SPINK5: variants seen among roughly 807,000 people sequenced by gnomAD.
SPINK5 encodes serine peptidase inhibitor Kazal type 5, also known as serine protease inhibitor Kazal-type 5.
In SPINK5, 125 loss-of-function variants were observed where a neutral mutation model predicts 151.8. The observed-to-expected ratio is 0.82, with a 90% CI of 0.71 to 0.96. The LOEUF (loss-of-function observed/expected upper bound fraction) is 0.96. SPINK5 is among the 40% of genes least tolerant of loss of function. The pLI is 0.00. For synonymous variants in SPINK5, 374 were observed against 395.3 expected, an observed-to-expected ratio of 0.95 and a Z score of 0.64; for missense variants, 1,194 against 1,291.9, an observed-to-expected ratio of 0.92 and a Z score of 1.16.
intron 24 of SPINK5, 108 bp downstream of exon 24, chr5:148,119,166 T>C (rs968077558): frequency 2.7e-6 from 3 of 1,114,810 alleles, no homozygotes; most frequent in African/African-American, 3.1e-5. Flanking sequence ...AGCTTGCCCT[T>C]AGAAGGTCAG....
intron 15 of SPINK5, among the ~76,000 whole-genome samples, chr5:148,104,079 T>C (rs1053714176): frequency 2.0e-5 from 3 of 152,222 alleles, no homozygotes; most frequent in African/African-American, 7.2e-5. Context: ...CAATCTCTTA[T>C]AACAATTATA....
intron 30 of SPINK5, among the ~76,000 whole-genome samples, chr5:148,128,480 C>G (rs932111481): frequency 6.6e-6 from 1 of 152,204 alleles, no homozygotes; most frequent in South Asian, 2.1e-4. Flanking sequence ...TCTACAAATA[C>G]TTACTGAGCA....
chr5:148,101,046 A>G (rs1753628750), intron 13 of SPINK5, among the ~76,000 whole-genome samples: 1 of 152,166 alleles, frequency 6.6e-6, no homozygotes, highest in African/African-American at 2.4e-5. Flanking sequence ...CATTAGAGAT[A>G]CAGTAATGAG....
chr5:148,099,662 A>T (rs1421980843), intron 12 of SPINK5, among the ~76,000 whole-genome samples: 2 of 152,100 alleles, frequency 1.3e-5, no homozygotes, highest in Non-Finnish European at 2.9e-5. Flanking sequence ...AATTTGAGAT[A>T]AAAAATACCT....
intron 16 of SPINK5, among the ~76,000 whole-genome samples, chr5:148,106,704 A>T (rs1753790714): frequency 1.3e-5 from 2 of 152,128 alleles, no homozygotes; most frequent in South Asian, 4.1e-4. Flanking sequence ...AAGACAAATC[A>T]CAGGTAAGCA....
chr5:148,107,319 A>C (rs1013292931), intron 17 of SPINK5, among the ~76,000 whole-genome samples, 155 bp downstream of exon 17: 10 of 152,216 alleles, frequency 6.6e-5, no homozygotes, highest in African/African-American at 1.9e-4. Flanking sequence ...ATTGAATCAT[A>C]TAGTGACAAT....
At chr5:148,123,729 G>GT (rs1226859045) in intron 26 of SPINK5, 104 bp from the exon 27 acceptor site, 10 of 1,520,322 alleles carry the variant, frequency 6.6e-6, no homozygotes, top group South Asian at 2.3e-5. Flanking sequence ...TCACTTCTCT[G>GT]TTTTTTTCCT....
intron 19 of SPINK5, among the ~76,000 whole-genome samples, chr5:148,112,220 C>A (rs1753953937): frequency 6.6e-6 from 1 of 152,166 alleles, no homozygotes; most frequent in Non-Finnish European, 1.5e-5. Context: ...AAGGTGTAAT[C>A]ATTAGGTGCT....
intron 3 of SPINK5, among the ~76,000 whole-genome samples, chr5:148,071,288 T>C (rs1752731986): frequency 6.6e-6 from 1 of 151,996 alleles, no homozygotes; most frequent in Non-Finnish European, 1.5e-5. Context: ...TGTCACAGGA[T>C]TTAATTTGGG....
At chr5:148,130,487 T>G (rs1480388618) in intron 30 of SPINK5, among the ~76,000 whole-genome samples, 1 of 152,118 alleles carries the variant, frequency 6.6e-6, no homozygotes, top group African/African-American at 2.4e-5. Flanking sequence ...ATACTTTTTT[T>G]ATATTTTGGC....
chr5:148,089,676 C>G, intron 7 of SPINK5, 55 bp downstream of exon 7: 1 of 1,609,576 alleles, frequency 6.2e-7, no homozygotes, highest in Non-Finnish European at 8.5e-7. Flanking sequence ...GTTGCTGTCC[C>G]GAGAATCACT....
intron 10 of SPINK5, 44 bp downstream of exon 10, chr5:148,095,949 TGGGG>T (rs34533106): frequency 7.0e-7 from 1 of 1,436,152 alleles, no homozygotes; most frequent in Middle Eastern, 1.8e-4. Context: ...TGTGTGTGTG[TGGGG>T]GGGTGCGTGT....
chr5:148,105,283 A>ATAAC (rs1753751869), intron 16 of SPINK5, among the ~76,000 whole-genome samples: 1 of 152,196 alleles, frequency 6.6e-6, no homozygotes, highest in Non-Finnish European at 1.5e-5. Context: ...TTCTGTTGTT[A>ATAAC]GAGTATTAAC....
At chr5:148,065,227 T>C in intron 1 of SPINK5, 120 bp from the exon 2 acceptor site, 1 of 1,044,248 alleles carries the variant, frequency 9.6e-7, no homozygotes, top group Non-Finnish European at 1.4e-6. Context: ...CAAAAACCAT[T>C]TGCGGTTTTA....
chr5:148,079,795 A>T (rs900878704), intron 4 of SPINK5, among the ~76,000 whole-genome samples: 3 of 151,200 alleles, frequency 2.0e-5, no homozygotes, highest in Non-Finnish European at 4.5e-5. Context: ...TACAACTAAC[A>T]TTATAATTAA....
Position 148,104,953 on chromosome 5 carries a change from C to A in SPINK5, c.1432C>A (p.Gln478Lys), listed in dbSNP as rs1326748505. 6.2e-7 allele frequency: 1 copy of A among 1,612,402 alleles called. No individual in the cohort carries two copies. The highest frequency in any genetic ancestry group is 8.5e-7 in the Non-Finnish European group (1 of 1,179,340). ...NTCSMCEAFFQQEERARAKAK... is the reference protein window; with the variant it reads ...NTCSMCEAFFKQEERARAKAK... ...CTTTTTCTTTTCGGTTTCTTAAAGT[C>A]AACAAGAAGAAAGAGCAAGAGCAAA... The change falls in exon 16 of 33, where the codon CAA becomes AAA. Residue 478 changes from glutamine to lysine, a missense_variant and splice_region_variant. Transcript: ENST00000256084.
At chr5:148,067,198 G>T (rs909750435) in intron 2 of SPINK5, among the ~76,000 whole-genome samples, 1 of 152,128 alleles carries the variant, frequency 6.6e-6, no homozygotes, top group African/African-American at 2.4e-5. Flanking sequence ...CTGAGATAGG[G>T]CAATGGCAGC....
intron 2 of SPINK5, among the ~76,000 whole-genome samples, chr5:148,066,559 G>A (rs1448421861): frequency 6.6e-6 from 1 of 152,050 alleles, no homozygotes; most frequent in Non-Finnish European, 1.5e-5. Context: ...GTGTTCTAGA[G>A]AATTTTATCA....
At chr5:148,110,976 CAAAAT>C (rs928368731) in intron 18 of SPINK5, among the ~76,000 whole-genome samples, 23 of 151,888 alleles carry the variant, frequency 1.5e-4, no homozygotes, top group African/African-American at 3.1e-4. Flanking sequence ...TAAAATAAAA[CAAAAT>C]AAAATAAAAT....
Sources: gnomAD v4.1 joint callset for allele counts (sites outside exome capture counted in the v4.1 genomes callset) on GRCh38, gnomAD v4.1.1 for gene constraint, MANE v1.5 for transcripts, NCBI Gene and HGNC (gene_info 2026-07-23, HGNC 2026-07-21) for gene names.